The following CSTPP1 variants were observed in gnomAD, a reference collection of about 807,000 sequenced individuals.
CSTPP1 encodes UPF0705 protein C11orf49.
chr11:46,988,579 G>C, the CSTPP1 span, among the ~76,000 whole-genome samples: 2 of 150,148 alleles, frequency 1.3e-5, no homozygotes, highest in East Asian at 3.9e-4. Flanking sequence ...GGTAGCAGGG[G>C]GCTGGGGGAA....
chr11:47,157,560 C>T, the CSTPP1 span, among the ~76,000 whole-genome samples: 1 of 152,082 alleles, frequency 6.6e-6, no homozygotes, highest in East Asian at 1.9e-4. Context: ...GGCACAAGTA[C>T]CCTTAGGGAC....
At chr11:47,144,051 AACT>A in the CSTPP1 span, among the ~76,000 whole-genome samples, 1 of 152,166 alleles carries the variant, frequency 6.6e-6, no homozygotes, top group Non-Finnish European at 1.5e-5. Context: ...GATATCTCTT[AACT>A]TCTCTGAGCC....
At chr11:46,996,923 T>C in the CSTPP1 span, among the ~76,000 whole-genome samples, 1 of 152,232 alleles carries the variant, frequency 6.6e-6, no homozygotes, top group African/African-American at 2.4e-5. Flanking sequence ...CCAAGAGATC[T>C]GCTGTTAGTC....
chr11:47,101,190 A>ATTT, the CSTPP1 span, among the ~76,000 whole-genome samples: 1 of 62,572 alleles, frequency 1.6e-5, no homozygotes, highest in African/African-American at 7.2e-5. Flanking sequence ...TTTTTTTTTT[A>ATTT]TTTTATTTTT....
At chr11:47,071,166 T>C in the CSTPP1 span, among the ~76,000 whole-genome samples, 1 of 152,226 alleles carries the variant, frequency 6.6e-6, no homozygotes, top group Non-Finnish European at 1.5e-5. Context: ...CATAGTCTCT[T>C]TCATAAAATG....
chr11:47,053,106 C>G, the CSTPP1 span: 3 of 152,564 alleles, frequency 2.0e-5, no homozygotes, highest in Non-Finnish European at 4.4e-5. Flanking sequence ...TTAGAACTGA[C>G]TGTTTGATCT....
At chr11:47,052,175 C>G in the CSTPP1 span, 1 of 435,556 alleles carries the variant, frequency 2.3e-6, no homozygotes, top group Non-Finnish European at 4.0e-6. Flanking sequence ...GGGAAGCACT[C>G]AGAGGAACTG....
the CSTPP1 span, among the ~76,000 whole-genome samples, chr11:47,117,537 A>G: frequency 1.3e-5 from 2 of 152,278 alleles, no homozygotes; most frequent in Admixed American, 6.5e-5. Context: ...GGGTAACTCA[A>G]CCTTTCTCTC....
chr11:47,030,754 T>C, the CSTPP1 span, among the ~76,000 whole-genome samples: 1 of 152,178 alleles, frequency 6.6e-6, no homozygotes, highest in African/African-American at 2.4e-5. Context: ...CTCCCACTTA[T>C]AAGTGAGAAC....
chr11:46,973,780 ATGTGTGTGTGTGTGTG>A, the CSTPP1 span, among the ~76,000 whole-genome samples: 62 of 150,706 alleles, frequency 4.1e-4, 3 homozygotes, highest in African/African-American at 1.4e-3. Context: ...TGGAGGGTGT[ATGTGTGTGTGTGTGTG>A]TGTCTGTGTG....
the CSTPP1 span, among the ~76,000 whole-genome samples, chr11:46,975,900 C>T: frequency 6.6e-6 from 1 of 152,166 alleles, no homozygotes; most frequent in Non-Finnish European, 1.5e-5. Context: ...GGGACAGAAT[C>T]TGTGGGACGA....
the CSTPP1 span, among the ~76,000 whole-genome samples, chr11:46,943,091 A>G: frequency 6.6e-6 from 1 of 152,132 alleles, no homozygotes; most frequent in Non-Finnish European, 1.5e-5. Flanking sequence ...ACCTTCTATC[A>G]TTGTATACTC....
At chr11:46,958,885 C>T in the CSTPP1 span, among the ~76,000 whole-genome samples, 9 of 152,296 alleles carry the variant, frequency 5.9e-5, no homozygotes, top group East Asian at 1.9e-4. Context: ...GCCTTTTGTT[C>T]TGCGTGGGCC....
chr11:47,076,736 A>G, the CSTPP1 span, among the ~76,000 whole-genome samples: 2 of 152,076 alleles, frequency 1.3e-5, no homozygotes, highest in African/African-American at 4.8e-5. Flanking sequence ...CGGGAGACTG[A>G]GGCACAAGAA....
chr11:47,100,825 T>G, the CSTPP1 span, among the ~76,000 whole-genome samples: 1 of 152,012 alleles, frequency 6.6e-6, no homozygotes. Flanking sequence ...TATTCAGTAC[T>G]GGGTTCCTAA....
At chr11:47,072,678 T>C in the CSTPP1 span, among the ~76,000 whole-genome samples, 1 of 152,028 alleles carries the variant, frequency 6.6e-6, no homozygotes, top group African/African-American at 2.4e-5. Context: ...TTAGAAAATA[T>C]ATATATATAC....
chr11:46,987,264 A>G, the CSTPP1 span: 1 of 1,614,228 alleles, frequency 6.2e-7, no homozygotes, highest in Non-Finnish European at 8.5e-7. Context: ...GCTAGAAAAC[A>G]GGGAAGATAT....
At chr11:46,956,188 A>G in the CSTPP1 span, among the ~76,000 whole-genome samples, 9 of 152,264 alleles carry the variant, frequency 5.9e-5, no homozygotes, top group African/African-American at 2.2e-4. Context: ...AGGGCAGGGT[A>G]GAAGACAAGT....
chr11:47,008,987 C>T, the CSTPP1 span, among the ~76,000 whole-genome samples: 2 of 151,130 alleles, frequency 1.3e-5, no homozygotes, highest in Non-Finnish European at 1.5e-5. Context: ...GCCAAGATCA[C>T]ACCACTGCAC....
Sources: allele counts gnomAD v4.1 joint callset (sites outside exome capture counted in the v4.1 genomes callset), GRCh38; gene constraint gnomAD v4.1.1; transcripts MANE v1.5; gene names NCBI Gene and HGNC (gene_info 2026-07-23, HGNC 2026-07-21).